EIF4G3: variants seen among roughly 807,000 people sequenced by gnomAD.
The protein encoded by EIF4G3 is eIF-4-gamma 3.
Under a neutral mutation model 186.4 loss-of-function variants are expected in EIF4G3, and 34 were observed. The observed-to-expected ratio is 0.18, with a 90% CI of 0.14 to 0.24. The LOEUF is 0.24. Ranked by LOEUF, EIF4G3 falls within the 10% of genes least tolerant of loss-of-function variation. EIF4G3 has a pLI of 1.00. For missense variants in EIF4G3, 1,536 were observed against 1,948.5 expected (o/e 0.79, Z 3.99); for synonymous variants, 673 against 679.5 (o/e 0.99, Z 0.15).
chr1:21,148,235 A>T (rs977850685), intron 2 of EIF4G3, among the ~76,000 whole-genome samples: 1 of 151,680 alleles, frequency 6.6e-6, no homozygotes, highest in Non-Finnish European at 1.5e-5. Context: ...TGCCTCACCA[A>T]TTTTTTTTCT....
intron 3 of EIF4G3, among the ~76,000 whole-genome samples, chr1:21,082,813 C>T (rs1046102557): frequency 2.0e-5 from 3 of 151,158 alleles, no homozygotes; most frequent in African/African-American, 7.3e-5. Flanking sequence ...CCGAGACGGG[C>T]GGATCACGAG....
intron 4 of EIF4G3, among the ~76,000 whole-genome samples, chr1:21,046,888 A>G (rs993067484): frequency 2.0e-5 from 3 of 152,314 alleles, no homozygotes; most frequent in Admixed American, 6.5e-5. Flanking sequence ...ACATGCACAC[A>G]CACACATACA....
rs530410556 is a variant in EIF4G3, at chr1:21,054,346, G to C, written c.-195-3352C>G. Among the ~76,000 whole-genome samples, 4 of 136,732 alleles carry C rather than the reference G, an allele frequency of 2.9e-5. No individual in the cohort carries two copies. In the South Asian group the frequency reaches 9.4e-4, roughly 32 times the overall value. 89.7% of individuals were successfully genotyped at this position (136,732 alleles called of 152,430 possible). On this transcript the variant is annotated intron_variant, in intron 3 of 36. Transcript: ENST00000602326. Reference sequence around the variant, plus strand: ...CACAAACACTGCGGAAGGCCGCAGGGTCCTCTGCCTAGGAAAACCAGAGAC... The same window carrying C: ...CACAAACACTGCGGAAGGCCGCAGGCTCCTCTGCCTAGGAAAACCAGAGAC...
intron 4 of EIF4G3, among the ~76,000 whole-genome samples, chr1:21,014,351 T>C (rs1005262976): frequency 6.6e-6 from 1 of 152,214 alleles, no homozygotes; most frequent in African/African-American, 2.4e-5. Context: ...CAGGAGTGCA[T>C]GTGCAGCTTT....
At chr1:21,013,177 T>C (rs1021002672) in intron 4 of EIF4G3, among the ~76,000 whole-genome samples, 2 of 151,946 alleles carry the variant, frequency 1.3e-5, no homozygotes, top group Non-Finnish European at 2.9e-5. Context: ...AGCTGCCAAC[T>C]CAACTGTGTA....
chr1:20,878,516 C>T (rs1263694470), intron 20 of EIF4G3, among the ~76,000 whole-genome samples: 1 of 152,140 alleles, frequency 6.6e-6, no homozygotes, highest in Non-Finnish European at 1.5e-5. Context: ...CTTTTCCAAA[C>T]CCCAAAAGAC....
chr1:20,997,670 G>A, intron 6 of EIF4G3, 37 bp from the exon 7 acceptor site: 2 of 1,504,198 alleles, frequency 1.3e-6, no homozygotes, highest in South Asian at 1.3e-5. Context: ...AAAAGGAAAG[G>A]CACAAAGAGT....
Position 20,840,994 on chromosome 1 carries a change from T to G in EIF4G3, c.3923A>C (p.Gln1308Pro). The stretch of plus-strand genomic sequence containing the variant: ...TCTCACAAAAACATGTAGTAGGCCC[T>G]GGGCATTCAGCTCTTCCACACACTG... ...AMQCVEELNA[Q>P]GLLHVFVRVG... Residue 1308 changes from glutamine (Q) to proline (P), a missense_variant, in exon 30 of 37, where the codon CAG (glutamine) becomes CCG (proline). Gln to Pro is a moderately conservative substitution (Grantham distance 76). Around this residue, in one of 11 missense-constraint regions of EIF4G3, gnomAD observed 395 missense variants for 498.9 expected, o/e 0.79. Transcript: ENST00000602326. 6.2e-7 allele frequency: 1 copy of G among 1,614,160 alleles called. No homozygotes were observed. The highest frequency in any genetic ancestry group is 8.5e-7 in the Non-Finnish European group (1 of 1,180,018).
In EIF4G3 at chr1:21,069,110, T is replaced by G. The variant is rs144110897; in HGVS notation, c.-195-18116A>C. 4.9e-3 allele frequency among the ~76,000 whole-genome samples: 739 copies of G among 152,326 alleles called. 6 individuals are homozygous for G. The highest frequency in any genetic ancestry group is 0.017 in the African/African-American group (704 of 41,576). On this transcript the variant is annotated intron_variant, in intron 3 of 36. Coordinates refer to ENST00000602326, the MANE Select transcript of EIF4G3 (RefSeq NM_001391906.1). ...ATCTATTTCATGGCTCATTACACTA[T>G]GTAGCTGTAACCTTATCCTCCACCT...
At chr1:21,105,780 T>C (rs2096606383) in intron 2 of EIF4G3, among the ~76,000 whole-genome samples, 2 of 151,578 alleles carry the variant, frequency 1.3e-5, no homozygotes, top group African/African-American at 4.9e-5. Context: ...ATGATAAGAG[T>C]GGTTGGGCAC....
intron 3 of EIF4G3, among the ~76,000 whole-genome samples, chr1:21,087,543 C>G (rs1163209601): frequency 6.6e-6 from 1 of 152,126 alleles, no homozygotes; most frequent in Non-Finnish European, 1.5e-5. Context: ...GTCTATAATC[C>G]CAGCACTTTG....
chr1:20,820,869 C>A (rs991580423), intron 33 of EIF4G3, among the ~76,000 whole-genome samples: 1 of 152,004 alleles, frequency 6.6e-6, no homozygotes, highest in Non-Finnish European at 1.5e-5. Context: ...AATGTCCAAA[C>A]GACCTGCCTG....
chr1:20,821,443 C>T (rs2062320913), intron 33 of EIF4G3, among the ~76,000 whole-genome samples: 1 of 152,194 alleles, frequency 6.6e-6, no homozygotes, highest in South Asian at 2.1e-4. Flanking sequence ...GTTGATAATG[C>T]ATGTATTTAA....
rs199570165 is a variant in EIF4G3 at position 20,985,527 on chromosome 1, A to ATAT, written c.178-3120_178-3119insATA. ...ATGACTAGAAATGCAAAAAAAAAAA[A>ATAT]AAATATATATCCTTTTTGTACTCCT... On this transcript the variant is annotated intron_variant, in intron 7 of 36. Transcript: ENST00000602326. 9.4e-4 allele frequency among the ~76,000 whole-genome samples: 132 copies of ATAT among 141,020 alleles called. 4 individuals are homozygous for ATAT. In the South Asian group the frequency reaches 0.019, roughly 20 times the overall value. 92.5% of individuals were successfully genotyped at this position (141,020 alleles called of 152,430 possible).
intron 3 of EIF4G3, among the ~76,000 whole-genome samples, chr1:21,071,793 G>A (rs777898277): frequency 6.8e-6 from 1 of 148,050 alleles, no homozygotes; most frequent in African/African-American, 2.5e-5. Flanking sequence ...GTGACAGAGC[G>A]AGGCTCCGTC....
At chr1:20,895,841 C>T (rs149956139) in intron 16 of EIF4G3, among the ~76,000 whole-genome samples, 1 of 152,280 alleles carries the variant, frequency 6.6e-6, no homozygotes, top group East Asian at 1.9e-4. Flanking sequence ...TATGTATCTA[C>T]TGTACTATAC....
intron 2 of EIF4G3, among the ~76,000 whole-genome samples, chr1:21,111,955 A>G (rs2102195892): frequency 6.6e-6 from 1 of 152,328 alleles, no homozygotes; most frequent in South Asian, 2.1e-4. Flanking sequence ...GTCATTAGCC[A>G]AATTAATTCA....
At chr1:21,050,066 T>A (rs2094124545) in intron 4 of EIF4G3, among the ~76,000 whole-genome samples, 1 of 152,196 alleles carries the variant, frequency 6.6e-6, no homozygotes, top group African/African-American at 2.4e-5. Flanking sequence ...CAAATAATGT[T>A]ATAAAAATGA....
chr1:20,921,060 T>C (rs1346166316), intron 14 of EIF4G3, among the ~76,000 whole-genome samples: 1 of 152,138 alleles, frequency 6.6e-6, no homozygotes, highest in Non-Finnish European at 1.5e-5. Context: ...TTGGGTGTGT[T>C]TGAAAATTCT....
Sources: gnomAD v4.1 joint callset for allele counts (sites outside exome capture counted in the v4.1 genomes callset) on GRCh38, gnomAD v4.1.1 for gene constraint, gnomAD v4.1.1 regional missense constraint, MANE v1.5 for transcripts, NCBI Gene and HGNC (gene_info 2026-07-23, HGNC 2026-07-21) for gene names.